Variants in FAT1 observed in about 807,000 individuals in gnomAD.
FAT1 encodes the protein protocadherin Fat 1.
Under a neutral mutation model 329.8 loss-of-function variants are expected in FAT1, and 171 were observed. The ratio of observed to expected loss-of-function variants is 0.52; its 90% CI spans 0.46 to 0.59. The LOEUF (loss-of-function observed/expected upper bound fraction) is 0.59. Among genes scored for constraint, FAT1 ranks in the 20% least tolerant of loss-of-function variants. The pLI is 0.00. For synonymous variants in FAT1, 2,233 were observed against 2,228.6 expected (o/e 1.00, Z -0.06); for missense variants, 5,672 against 5,774.4 (o/e 0.98, Z 0.57).
rs2126466818 is a variant in FAT1 at position 186,611,444 on chromosome 4, G to A, written c.9795C>T (p.Ile3265=). The A allele has an allele frequency of 1.2e-6, 2 of 1,613,766 alleles. No homozygotes were observed. Among genetic ancestry groups the A allele is most frequent in the Non-Finnish European group, 1.7e-6 (2 of 1,179,780 alleles). Residue 3265 remains isoleucine, a synonymous_variant, in exon 14 of 27, where the codon ATC becomes ATT. Transcript: ENST00000441802. ...CATTTCCACTTATTATTGAGTAGGTGATTTCTGCATTTGCTTCAATATCCC... is the reference window on the plus strand; with the variant it reads ...CATTTCCACTTATTATTGAGTAGGTAATTTCTGCATTTGCTTCAATATCCC... ...ASRDIEANAE[I]TYSIISGNEH...
chr4:186,638,556 T>C (rs536279329), intron 4 of FAT1, among the ~76,000 whole-genome samples: 1 of 152,026 alleles, frequency 6.6e-6, no homozygotes, highest in Admixed American at 6.6e-5. Context: ...CAGCTCCTAA[T>C]GGGGAAAGCA....
chr4:186,605,381 A>G (rs1253150615), intron 17 of FAT1, among the ~76,000 whole-genome samples: 12 of 126,952 alleles, frequency 9.5e-5, no homozygotes, highest in African/African-American at 3.7e-4. Context: ...GGAGGAGGAG[A>G]AAGAGTGGAG....
intron 2 of FAT1, among the ~76,000 whole-genome samples, chr4:186,667,924 TATCA>T (rs1742532320): frequency 6.6e-6 from 1 of 152,108 alleles, no homozygotes; most frequent in Non-Finnish European, 1.5e-5. Context: ...CTGTTGCCAC[TATCA>T]ATCAACAGCA....
chr4:186,589,306 A>T, intron 26 of FAT1, 86 bp from the exon 27 acceptor site: 1 of 1,393,962 alleles, frequency 7.2e-7, no homozygotes, highest in Non-Finnish European at 9.7e-7. Context: ...CAAAGACACA[A>T]AGATGCAACC....
Position 186,618,506 on chromosome 4 carries a change from G to T in FAT1, c.8080C>A (p.Leu2694Ile), listed in dbSNP as rs2126496075. 6.2e-7 allele frequency: 1 copy of T among 1,614,030 alleles called. No homozygotes were observed. The highest frequency in any genetic ancestry group is 8.5e-7 in the Non-Finnish European group (1 of 1,179,896). The change falls in exon 10 of 27, where the codon CTT becomes ATT. Residue 2694 changes from leucine to isoleucine, a missense_variant. By Grantham distance (5) the Leu-to-Ile change is conservative (BLOSUM62 2). Transcript: ENST00000441802. Reference sequence around the variant, plus strand: ...TTTGGAAGCTGCATTTCCGGTGGAAGGATTTTAACATAGACAAGAACAACA... The same window carrying T: ...TTTGGAAGCTGCATTTCCGGTGGAATGATTTTAACATAGACAAGAACAACA... ...ESVVLVYVKI[L>I]PPEMQLPKFS... is the part of the protein sequence containing the mutation.
chr4:186,651,354 T>C (rs1358253325), intron 3 of FAT1, among the ~76,000 whole-genome samples: 2 of 152,060 alleles, frequency 1.3e-5, no homozygotes, highest in African/African-American at 4.8e-5. Flanking sequence ...TTAGAGATCA[T>C]GGCACAGTCC....
chr4:186,660,107 C>T (rs904694519), intron 3 of FAT1, among the ~76,000 whole-genome samples: 2 of 152,276 alleles, frequency 1.3e-5, no homozygotes, highest in Non-Finnish European at 2.9e-5. Context: ...CTTGCTCAGC[C>T]GTTAATCATT....
chr4:186,625,893 G>C (rs1740281087), intron 9 of FAT1, among the ~76,000 whole-genome samples: 1 of 152,164 alleles, frequency 6.6e-6, no homozygotes, highest in Non-Finnish European at 1.5e-5. Context: ...CCATGCCCAG[G>C]AGGAACACTC....
intron 1 of FAT1, among the ~76,000 whole-genome samples, chr4:186,713,268 G>A (rs566983970): frequency 1.3e-5 from 2 of 152,088 alleles, no homozygotes; most frequent in East Asian, 3.9e-4. Flanking sequence ...GATTTTCCTT[G>A]CTTTTAATGA....
intron 9 of FAT1, among the ~76,000 whole-genome samples, chr4:186,622,336 T>A (rs1359306001): frequency 1.3e-5 from 2 of 152,218 alleles, no homozygotes; most frequent in Non-Finnish European, 2.9e-5. Context: ...CTTTTTCAGG[T>A]CAACTTATCC....
rs574634546 is a variant in FAT1 at position 186,681,229 on chromosome 4, C to T, written c.3266-17616G>A. Among the ~76,000 whole-genome samples the T allele has an allele frequency of 1.1e-4, 16 of 152,202 alleles. No individual in the cohort carries two copies. The Middle Eastern group carries it at 0.01, about 97-fold the overall frequency. ...TGTGTGACTTTGGCAATTTATTATA[C>T]CTCTCTATATTTACTATTTATATCA... On this transcript the variant is annotated intron_variant, in intron 2 of 26. Transcript: ENST00000441802.
At chr4:186,611,804 A>AT (rs777575639) in intron 13 of FAT1, 29 bp from the exon 14 acceptor site, 1 of 1,494,434 alleles carries the variant, frequency 6.7e-7, no homozygotes, top group South Asian at 1.3e-5. Flanking sequence ...ATGTCAAAAG[A>AT]TTTTAAATAA....
In FAT1 at chr4:186,610,775, T is replaced by C. The variant is rs1451953341; in HGVS notation, c.9853+611A>G. 2.7e-5 allele frequency among the ~76,000 whole-genome samples: 4 copies of C among 148,502 alleles called. No individual in the cohort carries two copies. In the East Asian group the frequency reaches 7.8e-4, roughly 29 times the overall value. On this transcript the variant is annotated intron_variant, in intron 14 of 26. Transcript: ENST00000441802. ...TAAATATAAATTTGAATGGAGCAAC[T>C]TTCTACACTGTTTTAAGACTTAGGA... is the stretch of plus-strand genomic sequence containing the variant.
rs754003525 is a variant in FAT1 at position 186,603,904 on chromosome 4, T to G, written c.10622A>C (p.Tyr3541Ser). The change falls in exon 19 of 27, where the codon TAT (tyrosine) becomes TCT (serine). Residue 3541 changes from tyrosine (Y) to serine (S), a missense_variant. Tyr to Ser is a moderately radical substitution (Grantham distance 144). This residue lies in a region of FAT1 where 1,706 missense variants were observed against 1,859.1 expected (regional missense o/e 0.92). Coordinates refer to ENST00000441802, the MANE Select transcript of FAT1 (RefSeq NM_005245.4). ...IDIRVIEESI[Y>S]PPAILPLEIF... The stretch of plus-strand genomic sequence containing the variant: ...CTCCAGGGGCAAAATCGCAGGCGGA[T>G]AGATGCTCTCCTCAATTACCCTAAT... The G allele has an allele frequency of 1.2e-6, 2 of 1,613,822 alleles. No homozygotes were observed. The highest frequency in any genetic ancestry group is 1.7e-5 in the Admixed American group (1 of 59,992).
At chr4:186,678,431 TTATAA>T (rs1743047721) in intron 2 of FAT1, among the ~76,000 whole-genome samples, 1 of 149,936 alleles carries the variant, frequency 6.7e-6, no homozygotes, top group Non-Finnish European at 1.5e-5. Flanking sequence ...TATTAATTTA[TTATAA>T]TATAATAATA....
At chr4:186,694,112 T>G (rs1047793185) in intron 2 of FAT1, among the ~76,000 whole-genome samples, 1 of 152,018 alleles carries the variant, frequency 6.6e-6, no homozygotes, top group African/African-American at 2.4e-5. Flanking sequence ...CTCACAACAC[T>G]CAACCTCTCC....
rs2126682142 is a variant in FAT1 at position 186,706,629 on chromosome 4, C to T, written c.3199G>A (p.Gly1067Arg). 1.9e-6 allele frequency: 3 copies of T among 1,613,974 alleles called. No individual in the cohort carries two copies. Among genetic ancestry groups the T allele is most frequent in the East Asian group, 2.2e-5 (1 of 44,876 alleles). ...TCTCTAATGGAGTATCGGATCTCCC[C>T]ATCTCTTCTGGCGTCCTCATCATGA... ...SAHDEDARRD[G>R]EIRYSIRDGS... The change falls in exon 2 of 27, where the codon GGG becomes AGG. Residue 1067 changes from glycine (G) to arginine (R), a missense_variant. This residue lies in a region of FAT1 where 3,966 missense variants were observed against 3,915.2 expected (regional missense o/e 1.01). Coordinates refer to ENST00000441802, the MANE Select transcript of FAT1 (RefSeq NM_005245.4).
intron 2 of FAT1, among the ~76,000 whole-genome samples, chr4:186,672,412 T>C (rs162063): frequency 0.17 from 26,195 of 152,094 alleles, 2,648 homozygotes; most frequent in African/African-American, 0.26. Context: ...AAATCATGTA[T>C]AATTTCTTTC....
chr4:186,682,532 A>AAAAAAAAAAAAAAG lies in FAT1; in HGVS notation c.3266-18920_3266-18919insCTTTTTTTTTTTTT, dbSNP rs1244866010. Among the ~76,000 whole-genome samples, 32 of 47,688 alleles carry AAAAAAAAAAAAAAG rather than the reference A, an allele frequency of 6.7e-4. 2 individuals are homozygous for AAAAAAAAAAAAAAG. The highest frequency in any genetic ancestry group is 1.3e-3 in the African/African-American group (30 of 22,912). 31.3% of individuals were successfully genotyped at this position (47,688 alleles called of 152,430 possible). A position where few individuals can be genotyped will look rare whatever the true frequency, so the allele number is the denominator to read the frequency against. ...AAAGAGCGAGACTCTGTCTCAAAAA[A>AAAAAAAAAAAAAAG]AAAAAAAAAAAAGAAAGTTGTAAAT... On this transcript the variant is annotated intron_variant, in intron 2 of 26. Transcript: ENST00000441802.
Sources: gnomAD v4.1 joint callset for allele counts (sites outside exome capture counted in the v4.1 genomes callset) on GRCh38, gnomAD v4.1.1 for gene constraint, gnomAD v4.1.1 regional missense constraint, MANE v1.5 for transcripts, NCBI Gene and HGNC (gene_info 2026-07-23, HGNC 2026-07-21) for gene names.